POLR1C: variants seen among roughly 807,000 people sequenced by gnomAD.
POLR1C encodes the protein DNA-directed RNA polymerases I and III subunit RPAC1.
POLR1C carries 42 observed loss-of-function variants against 38.3 expected under a neutral mutation model. The ratio of observed to expected loss-of-function variants is 1.10; its 90% CI spans 0.86 to 1.42. The LOEUF (loss-of-function observed/expected upper bound fraction) is 1.42. POLR1C is among the 40% of genes most tolerant of loss of function. The pLI is 0.00. For missense variants in POLR1C, 507 were observed against 450.5 expected, an observed-to-expected ratio of 1.13 and a Z score of -1.14; for synonymous variants, 163 against 163.9, an observed-to-expected ratio of 0.99 and a Z score of 0.04.
At chr6:43,557,127 C>CA (rs58974895) in intron 10 of POLR1C, among the ~76,000 whole-genome samples, 8,056 of 60,806 alleles carry the variant, frequency 0.13, 747 homozygotes, top group African/African-American at 0.29. Context: ...GACTCCATCT[C>CA]AAAAAAAAAA....
At position 43,519,151 on chromosome 6, in the gene POLR1C, A is replaced by T. The variant is rs1350137428; in HGVS notation, c.142-182A>T. 9 of 645,420 alleles carry T rather than the reference A, an allele frequency of 1.4e-5. No individual in the cohort carries two copies. The East Asian group carries it at 2.5e-4, about 18-fold the overall frequency. 40.0% of individuals were successfully genotyped at this position (645,420 alleles called of 1,614,324 possible). ...GGGTTTTAATGAATGGACGACAAAAATGGAGACTTTTCATGAAACTTAAAA... is the reference window on the plus strand; with the variant it reads ...GGGTTTTAATGAATGGACGACAAAATTGGAGACTTTTCATGAAACTTAAAA... On this transcript the variant is annotated intron_variant, in intron 2 of 8. Coordinates refer to ENST00000642195, the MANE Select transcript of POLR1C (RefSeq NM_203290.4).
downstream of POLR1C, among the ~76,000 whole-genome samples, chr6:43,530,179 C>T (rs986884733): frequency 6.6e-6 from 1 of 152,140 alleles, no homozygotes; most frequent in Non-Finnish European, 1.5e-5. Context: ...ATCACTTGAA[C>T]CCAGGAGGTG....
chr6:43,517,637 AG>A (rs2127687035), intron 2 of POLR1C, among the ~76,000 whole-genome samples: 1 of 152,238 alleles, frequency 6.6e-6, no homozygotes, highest in African/African-American at 2.4e-5. Flanking sequence ...ATAGCGATGA[AG>A]ACGGCAGGGT....
chr6:43,520,324 C>T lies in POLR1C; in HGVS notation c.552C>T (p.Leu184=). The T allele has an allele frequency of 4.3e-6, 7 of 1,613,404 alleles. No homozygotes were observed. Among genetic ancestry groups the T allele is most frequent in the Non-Finnish European group, 5.9e-6 (7 of 1,180,040 alleles). Residue 184 remains leucine, a synonymous_variant, in exon 6 of 9, where the codon CTC becomes CTT. Transcript: ENST00000642195. ...TCCCCCTGGGGAACCAGGCTGATCT[C>T]TTTCCAGAGGGCACTATCCGACCAG... The part of the protein sequence containing the change: ...TWIPLGNQAD[L]FPEGTIRPVH...
downstream of POLR1C, chr6:43,523,744 G>T: frequency 1.3e-6 from 2 of 1,497,768 alleles, no homozygotes; most frequent in Non-Finnish European, 1.9e-6. Flanking sequence ...TCCAGACCTG[G>T]ATCTCTTTCC....
chr6:43,551,739 C>G (rs1386529506), intron 10 of POLR1C, among the ~76,000 whole-genome samples: 2 of 152,088 alleles, frequency 1.3e-5, no homozygotes, highest in Non-Finnish European at 2.9e-5. Flanking sequence ...TTATGTCGAC[C>G]AGGCTGGTCT....
chr6:43,527,560 CATGG>C, intron 8 of POLR1C: 1 of 1,488,388 alleles, frequency 6.7e-7, no homozygotes. Flanking sequence ...GTCAGGCCTT[CATGG>C]AGTTGGCTGA....
intron 10 of POLR1C, among the ~76,000 whole-genome samples, chr6:43,557,780 C>G (rs1246074835): frequency 2.3e-5 from 2 of 86,594 alleles, no homozygotes; most frequent in South Asian, 7.7e-4. Flanking sequence ...CTCAATAAAG[C>G]TGTAAAAAAA....
At position 43,562,346 on chromosome 6, in the gene POLR1C, C is replaced by T. The variant is rs577775126; in HGVS notation, c.*995C>T. 6.1e-5 allele frequency: 98 copies of T among 1,602,540 alleles called. 1 individual carries two copies. The highest frequency in any genetic ancestry group is 5.2e-4 in the African/African-American group (39 of 74,806). ...CTACCAAACCTCCTCCATCAGCAGT[C>T]CTGTAAGATGAGAATTCCTTATATC... On this transcript the variant is annotated 3_prime_UTR_variant, in exon 11 of 11. Coordinates refer to the POLR1C transcript ENST00000607635.
chr6:43,522,819 G>A (rs1345697412), downstream of POLR1C: 11 of 356,144 alleles, frequency 3.1e-5, no homozygotes, highest in African/African-American at 6.4e-5. Context: ...AATAACCTCA[G>A]GGCCAGGTCC....
intron 10 of POLR1C, among the ~76,000 whole-genome samples, chr6:43,554,535 C>T (rs1024730251): frequency 2.6e-5 from 4 of 151,954 alleles, no homozygotes; most frequent in Non-Finnish European, 5.9e-5. Context: ...AGTGATTCTC[C>T]TGCCTCAGCC....
At chr6:43,523,516 CCT>C, downstream of POLR1C, 1 of 433,736 alleles carries the variant, frequency 2.3e-6, no homozygotes, top group Non-Finnish European at 4.5e-6. Context: ...GGCACAGCAC[CCT>C]TAGTTACCAT....
At position 43,548,235 on chromosome 6, in the gene POLR1C, G is replaced by A. The variant is rs79831757; in HGVS notation, c.*5-2733G>A. On this transcript the variant is annotated intron_variant, in intron 9 of 10. Coordinates refer to the POLR1C transcript ENST00000607635. ...CAAAATGGGTGCTTGAGTATAGTAA[G>A]AGTCAGGGCAAGGGATCTCCTTTAC... The A allele has an allele frequency of 6.7e-3, 10,468 of 1,556,902 alleles. 504 individuals are homozygous for A. In the African/African-American group the frequency reaches 0.11, roughly 17 times the overall value.
intron 8 of POLR1C, chr6:43,527,593 AG>A: frequency 6.2e-7 from 1 of 1,605,258 alleles, no homozygotes; most frequent in Non-Finnish European, 8.5e-7. Context: ...CTCTTCTTCC[AG>A]GAAAATCCTC....
downstream of POLR1C, chr6:43,530,774 G>C (rs762818115): frequency 6.6e-5 from 107 of 1,613,762 alleles, no homozygotes; most frequent in Admixed American, 1.5e-4. Flanking sequence ...GTCCTCCACA[G>C]TATAGAAGTC....
chr6:43,552,447 G>A (rs1425432384), intron 10 of POLR1C, among the ~76,000 whole-genome samples: 1 of 152,046 alleles, frequency 6.6e-6, no homozygotes, highest in African/African-American at 2.4e-5. Flanking sequence ...CTGCCTCCTG[G>A]GTTCAAGCGA....
intron 1 of POLR1C, 48 bp downstream of exon 1, chr6:43,517,226 A>T (rs1475828673): frequency 6.2e-7 from 1 of 1,609,732 alleles, no homozygotes; most frequent in Admixed American, 1.7e-5. Context: ...AGAGCGGAAC[A>T]GGGATGGGTC....
chr6:43,544,860 G>T (rs549787647), intron 9 of POLR1C, among the ~76,000 whole-genome samples: 2 of 151,760 alleles, frequency 1.3e-5, no homozygotes, highest in East Asian at 1.9e-4. Context: ...GAAATCAAAA[G>T]AAAATATTAT....
intron 2 of POLR1C, chr6:43,519,066 G>T: frequency 2.0e-6 from 1 of 506,314 alleles, no homozygotes; most frequent in Non-Finnish European, 3.6e-6. Context: ...CACTATGGTA[G>T]TTTCTGTTCT....
Sources: allele counts gnomAD v4.1 joint callset (sites outside exome capture counted in the v4.1 genomes callset), GRCh38; gene constraint gnomAD v4.1.1; transcripts MANE v1.5; gene names NCBI Gene and HGNC (gene_info 2026-07-23, HGNC 2026-07-21).